TMCO4: variants seen among roughly 807,000 people sequenced by gnomAD.
TMCO4 encodes the protein transmembrane and coiled-coil domains 4.
In TMCO4, 58 loss-of-function variants were observed where a neutral mutation model predicts 64.7. The ratio of observed to expected loss-of-function variants is 0.90; its 90% CI spans 0.73 to 1.12. The LOEUF (loss-of-function observed/expected upper bound fraction) is 1.12, where lower values mean the gene tolerates loss of function less well. Among genes scored for constraint, TMCO4 ranks in the 50% most tolerant of loss-of-function variants. The pLI, the probability that TMCO4 is intolerant of heterozygous loss-of-function variation, is 0.00. For missense variants in TMCO4, 780 were observed against 825.9 expected, an observed-to-expected ratio of 0.94 and a Z score of 0.68; for synonymous variants, 325 against 346.1, an observed-to-expected ratio of 0.94 and a Z score of 0.68.
In TMCO4 at chr1:19,770,943, A is replaced by T. The variant is rs570892890; in HGVS notation, c.354+365T>A. On this transcript the variant is annotated intron_variant, in intron 5 of 15. Transcript: ENST00000294543. Reference sequence around the variant, plus strand: ...AGAAGAATGCGGGCTCTGGAGTCAGACTACCAAGGTTCAAATCCTGGCTCC... The same window carrying T: ...AGAAGAATGCGGGCTCTGGAGTCAGTCTACCAAGGTTCAAATCCTGGCTCC... Among the ~76,000 whole-genome samples, 42 of 152,328 alleles carry T rather than the reference A, an allele frequency of 2.8e-4. No homozygotes were observed. In the South Asian group the frequency reaches 8.7e-3, roughly 32 times the overall value.
chr1:19,743,427 T>TA lies in TMCO4; in HGVS notation c.877+2104dup, dbSNP rs2041619689. Among the ~76,000 whole-genome samples, 1 of 152,232 alleles carries TA rather than the reference T, an allele frequency of 6.6e-6. No individual in the cohort carries two copies. The highest frequency in any genetic ancestry group is 1.5e-5 in the Non-Finnish European group (1 of 68,032). Reference sequence around the variant, plus strand: ...CATGGAAAAAGCAATCAGGTGATGATAAGGCTTCTTTTCCTGGCTCTCGAG... The same window carrying TA: ...CATGGAAAAAGCAATCAGGTGATGATAAAGGCTTCTTTTCCTGGCTCTCGAG... On this transcript the variant is annotated intron_variant, in intron 10 of 15. Coordinates refer to ENST00000294543, the MANE Select transcript of TMCO4 (RefSeq NM_181719.7). The surrounding 1 kb of genome is among the most constrained non-coding windows in gnomAD (Gnocchi z 4.1).
intron 7 of TMCO4, among the ~76,000 whole-genome samples, chr1:19,749,339 ATG>A (rs1359400005): frequency 1.3e-5 from 2 of 151,864 alleles, no homozygotes; most frequent in Non-Finnish European, 2.9e-5. Flanking sequence ...TGGAGGTGAT[ATG>A]TGTCACTTCT....
At chr1:19,755,516 C>T (rs2042205580) in intron 7 of TMCO4, 118 bp downstream of exon 7, 2 of 1,443,656 alleles carry the variant, frequency 1.4e-6, no homozygotes, top group East Asian at 2.3e-5. Context: ...GGACTCTGTC[C>T]AGGGCTCCTT....
rs2095385677 is a variant in TMCO4, at chr1:19,721,853, G to A, written c.1264+15519C>T. ...CACACACACGTTTTGGAAAAGTCCA[G>A]GGCCAAACCTGGAAATATACTGACC... On this transcript the variant is annotated intron_variant, in intron 13 of 15. Coordinates refer to ENST00000294543, the MANE Select transcript of TMCO4 (RefSeq NM_181719.7). 2.0e-5 allele frequency among the ~76,000 whole-genome samples: 3 copies of A among 152,066 alleles called. No homozygotes were observed. In the South Asian group the frequency reaches 6.2e-4, roughly 32 times the overall value.
chr1:19,792,122 T>A, intron 2 of TMCO4, among the ~76,000 whole-genome samples: 1 of 152,188 alleles, frequency 6.6e-6, no homozygotes. Flanking sequence ...ATTAAACATC[T>A]TTTTCTTTAT....
At chr1:19,750,854 A>G (rs895130697) in intron 7 of TMCO4, among the ~76,000 whole-genome samples, 8 of 152,204 alleles carry the variant, frequency 5.3e-5, no homozygotes, top group Admixed American at 2.6e-4. Flanking sequence ...CAAAACCCCA[A>G]GGTTGCTGAG....
rs1243270611 is a variant in TMCO4, at chr1:19,732,239, A to C, written c.1264+5133T>G. On this transcript the variant is annotated intron_variant, in intron 13 of 15. Coordinates refer to ENST00000294543, the MANE Select transcript of TMCO4 (RefSeq NM_181719.7). The surrounding 1 kb of genome is among the most constrained non-coding windows in gnomAD (Gnocchi z 4.8). ...CAGGCTGGAGTGCAGTGGCACGATC[A>C]TGGCTCACTGCATCTTCAACCTCCT... is the stretch of plus-strand genomic sequence containing the variant. 6.6e-6 allele frequency among the ~76,000 whole-genome samples: 1 copy of C among 152,156 alleles called. No individual in the cohort carries two copies. The highest frequency in any genetic ancestry group is 1.5e-5 in the Non-Finnish European group (1 of 68,020).
At position 19,776,518 on chromosome 1, in the gene TMCO4, T is replaced by C. The variant is rs78896605; in HGVS notation, c.179+4062A>G. 8.3e-3 allele frequency among the ~76,000 whole-genome samples: 1,263 copies of C among 152,322 alleles called. 20 individuals are homozygous for C. Among genetic ancestry groups the C allele is most frequent in the African/African-American group, 0.029 (1,208 of 41,566 alleles). On this transcript the variant is annotated intron_variant, in intron 4 of 15. Transcript: ENST00000294543. ...TACACAAAGCTCTTCCTTGGCTAGG[T>C]ACTGGTTTATCAGGTAGGAGTTTCA... is the stretch of plus-strand genomic sequence containing the variant.
intron 15 of TMCO4, among the ~76,000 whole-genome samples, 159 bp from the exon 16 acceptor site, chr1:19,683,603 G>C (rs1411856689): frequency 6.6e-6 from 1 of 152,184 alleles, no homozygotes; most frequent in Non-Finnish European, 1.5e-5. Context: ...CTCAAATCCA[G>C]AGTGGGTGGG....
chr1:19,737,751 C>T (rs746314785), intron 12 of TMCO4, among the ~76,000 whole-genome samples: 25 of 152,258 alleles, frequency 1.6e-4, no homozygotes, highest in South Asian at 6.2e-4. Context: ...GTCTCATCTT[C>T]CCCAGGAGAC....
At chr1:19,717,282 G>A (rs754761982) in intron 13 of TMCO4, among the ~76,000 whole-genome samples, 15 of 152,210 alleles carry the variant, frequency 9.9e-5, no homozygotes, top group Non-Finnish European at 2.1e-4. Context: ...AGGACTGGCT[G>A]AAGGATGGGG....
intron 2 of TMCO4, among the ~76,000 whole-genome samples, chr1:19,794,690 T>C (rs1311123531): frequency 6.6e-6 from 1 of 152,190 alleles, no homozygotes; most frequent in Non-Finnish European, 1.5e-5. Context: ...AAAAACATAT[T>C]TGTACACCCA....
chr1:19,751,680 G>C (rs1353491008), intron 7 of TMCO4, among the ~76,000 whole-genome samples: 1 of 152,116 alleles, frequency 6.6e-6, no homozygotes, highest in Non-Finnish European at 1.5e-5. Flanking sequence ...AAGTTACTTG[G>C]CTAAGGCACT....
At chr1:19,713,030 T>C (rs1433955536) in intron 13 of TMCO4, among the ~76,000 whole-genome samples, 10 of 152,186 alleles carry the variant, frequency 6.6e-5, no homozygotes, top group Non-Finnish European at 1.0e-4. Context: ...CCCATTCTTA[T>C]GGTGAGGTTC....
intron 7 of TMCO4, among the ~76,000 whole-genome samples, chr1:19,747,940 T>A (rs752353894): frequency 6.6e-6 from 1 of 152,182 alleles, no homozygotes; most frequent in Non-Finnish European, 1.5e-5. Context: ...AAGTAGGAAC[T>A]CTGAACTGAG....
chr1:19,738,623 A>T (rs2095466267), intron 12 of TMCO4, among the ~76,000 whole-genome samples: 1 of 152,272 alleles, frequency 6.6e-6, no homozygotes. Context: ...TGTCTAAGCC[A>T]ATGCCACTTT....
chr1:19,769,530 G>C (rs1424258007), intron 6 of TMCO4, among the ~76,000 whole-genome samples: 1 of 152,218 alleles, frequency 6.6e-6, no homozygotes, highest in Non-Finnish European at 1.5e-5. Context: ...TGGGGAGCCA[G>C]GCAAAAGTTT....
chr1:19,776,904 G>A (rs1440811674), intron 4 of TMCO4, among the ~76,000 whole-genome samples: 1 of 151,850 alleles, frequency 6.6e-6, no homozygotes, highest in African/African-American at 2.4e-5. Context: ...GCGTGCGCCT[G>A]TAATCCCAGC....
intron 13 of TMCO4, among the ~76,000 whole-genome samples, chr1:19,731,307 C>A (rs2095428984): frequency 6.6e-6 from 1 of 152,180 alleles, no homozygotes; most frequent in Non-Finnish European, 1.5e-5. Flanking sequence ...ATGCCTACTC[C>A]CATTTATTAA....
Sources: allele counts gnomAD v4.1 joint callset (sites outside exome capture counted in the v4.1 genomes callset), GRCh38; gene constraint gnomAD v4.1.1; non-coding constraint Gnocchi (gnomAD v3.1); transcripts MANE v1.5; gene names NCBI Gene and HGNC (gene_info 2026-07-23, HGNC 2026-07-21).